The following SUPT3H variants were observed in gnomAD, a reference collection of about 807,000 sequenced individuals.
SUPT3H encodes transcription initiation protein SPT3 homolog.
Under a neutral mutation model 44.3 loss-of-function variants are expected in SUPT3H, and 44 were observed. The ratio of observed to expected loss-of-function variants is 0.99; its 90% CI spans 0.78 to 1.28. The LOEUF (loss-of-function observed/expected upper bound fraction) is 1.28. SUPT3H is among the 50% of genes most tolerant of loss of function. The pLI, the probability that SUPT3H is intolerant of heterozygous loss-of-function variation, is 0.00. For synonymous variants in SUPT3H, 124 were observed against 125.6 expected (o/e 0.99, Z 0.09); for missense variants, 380 against 387.1 (o/e 0.98, Z 0.15).
intron 6 of SUPT3H, among the ~76,000 whole-genome samples, chr6:44,995,256 C>T (rs1302185751): frequency 6.6e-6 from 1 of 151,660 alleles, no homozygotes; most frequent in Non-Finnish European, 1.5e-5. Context: ...ACAAAAATAC[C>T]CATGAAACTA....
intron 2 of SUPT3H, among the ~76,000 whole-genome samples, chr6:45,272,911 T>C (rs1776435108): frequency 6.6e-6 from 1 of 152,246 alleles, no homozygotes; most frequent in Admixed American, 6.5e-5. Context: ...TTGCTTTGCC[T>C]GGACCACTTT....
intron 7 of SUPT3H, among the ~76,000 whole-genome samples, chr6:44,957,539 T>C (rs1187712232): frequency 2.0e-5 from 3 of 152,168 alleles, no homozygotes; most frequent in Admixed American, 1.3e-4. Context: ...GACAGATCTT[T>C]AGGACAGAAA....
At chr6:45,287,024 T>C (rs373127883) in intron 2 of SUPT3H, among the ~76,000 whole-genome samples, 4 of 152,084 alleles carry the variant, frequency 2.6e-5, no homozygotes, top group South Asian at 4.2e-4. Context: ...TTCTCACTCA[T>C]AGGTGGGAAC....
At position 44,828,408 on chromosome 6, in the gene SUPT3H, A is replaced by ATGAC. The variant is rs1446949997; in HGVS notation, c.*1404_*1407dup. Among the ~76,000 whole-genome samples the ATGAC allele has an allele frequency of 6.6e-6, 1 of 152,188 alleles. No individual in the cohort carries two copies. The highest frequency in any genetic ancestry group is 1.5e-5 in the Non-Finnish European group (1 of 68,018). ...AAAAAGATTAACATAGAGCAGGTAA[A>ATGAC]TGACAGTTAACAAATGTAAATAATG... On this transcript the variant is annotated 3_prime_UTR_variant, in exon 11 of 11. Coordinates refer to ENST00000371459, the MANE Select transcript of SUPT3H (RefSeq NM_003599.4).
At chr6:45,105,295 AC>A (rs1799116771) in intron 3 of SUPT3H, among the ~76,000 whole-genome samples, 1 of 152,180 alleles carries the variant, frequency 6.6e-6, no homozygotes, top group Admixed American at 6.5e-5. Context: ...ATAAAATCTT[AC>A]AAGGATTAGA....
chr6:45,182,205 G>C (rs1456850511), intron 2 of SUPT3H, among the ~76,000 whole-genome samples: 1 of 152,114 alleles, frequency 6.6e-6, no homozygotes, highest in African/African-American at 2.4e-5. Flanking sequence ...TGCTGTTACT[G>C]TCCCATAGAG....
At chr6:45,275,797 A>C (rs768697843) in intron 2 of SUPT3H, among the ~76,000 whole-genome samples, 1 of 152,168 alleles carries the variant, frequency 6.6e-6, no homozygotes, top group Admixed American at 6.5e-5. Context: ...GACATAAATT[A>C]TTTAAAAATA....
intron 4 of SUPT3H, among the ~76,000 whole-genome samples, chr6:45,019,651 G>T (rs1052903073): frequency 6.6e-6 from 1 of 151,838 alleles, no homozygotes; most frequent in Non-Finnish European, 1.5e-5. Context: ...TTCTTTAGAT[G>T]CACATTATTT....
At chr6:44,909,595 A>T (rs995074589) in intron 10 of SUPT3H, among the ~76,000 whole-genome samples, 1 of 152,190 alleles carries the variant, frequency 6.6e-6, no homozygotes, top group South Asian at 2.1e-4. Flanking sequence ...GAATTTTCCT[A>T]TGTACGAAGA....
intron 2 of SUPT3H, among the ~76,000 whole-genome samples, chr6:45,343,453 A>C (rs1004403742): frequency 1.3e-5 from 2 of 152,134 alleles, no homozygotes; most frequent in Non-Finnish European, 2.9e-5. Flanking sequence ...GAGATCATCT[A>C]ATCTATAATA....
intron 11 of SUPT3H, among the ~76,000 whole-genome samples, chr6:44,815,076 TTG>T (rs144410922): frequency 1.3e-5 from 2 of 151,840 alleles, no homozygotes; most frequent in Non-Finnish European, 2.9e-5. Flanking sequence ...TATGAACATA[TTG>T]TGTGTGTGTG....
intron 2 of SUPT3H, among the ~76,000 whole-genome samples, chr6:45,336,588 T>C (rs114764157): frequency 0.02 from 3,076 of 151,604 alleles, 43 homozygotes; most frequent in Non-Finnish European, 0.032. Context: ...TATTTAATTA[T>C]TAAATGGTTA....
At position 44,935,555 on chromosome 6, in the gene SUPT3H, T is replaced by C. The variant is rs528870785; in HGVS notation, c.802-2792A>G. Reference sequence around the variant, plus strand: ...AGAAATCTCTCTGGGATATAAACTCTGTATTTCTTTAAGAAAAGTACTAGC... The same window carrying C: ...AGAAATCTCTCTGGGATATAAACTCCGTATTTCTTTAAGAAAAGTACTAGC... On this transcript the variant is annotated intron_variant, in intron 9 of 10. Transcript: ENST00000371459. Among the ~76,000 whole-genome samples the C allele has an allele frequency of 4.6e-5, 7 of 152,352 alleles. 1 individual carries two copies. The highest frequency in any genetic ancestry group is 3.3e-4 in the Admixed American group (5 of 15,310).
chr6:44,907,721 G>A (rs775123823), intron 10 of SUPT3H, among the ~76,000 whole-genome samples: 20 of 152,024 alleles, frequency 1.3e-4, no homozygotes, highest in African/African-American at 1.9e-4. Context: ...ATTTGTATGC[G>A]GTTGTTACAG....
intron 2 of SUPT3H, among the ~76,000 whole-genome samples, chr6:45,282,687 C>T (rs893966577): frequency 6.6e-6 from 1 of 152,100 alleles, no homozygotes; most frequent in Non-Finnish European, 1.5e-5. Context: ...AAGAACTTCC[C>T]CAATCTAGCA....
At chr6:44,832,492 C>T (rs1768996048) in intron 10 of SUPT3H, among the ~76,000 whole-genome samples, 1 of 152,064 alleles carries the variant, frequency 6.6e-6, no homozygotes, top group Admixed American at 6.6e-5. Flanking sequence ...ATTAGACCTC[C>T]CCAACAAACT....
chr6:45,220,924 G>C (rs769778949), intron 2 of SUPT3H, among the ~76,000 whole-genome samples: 1 of 152,166 alleles, frequency 6.6e-6, no homozygotes, highest in Non-Finnish European at 1.5e-5. Flanking sequence ...ACATGCACAC[G>C]TATGTTTACT....
intron 2 of SUPT3H, among the ~76,000 whole-genome samples, chr6:45,202,977 A>G (rs79265541): frequency 6.6e-6 from 1 of 152,282 alleles, no homozygotes; most frequent in East Asian, 1.9e-4. Context: ...CAAGACAGTA[A>G]GATATAGATT....
chr6:44,891,416 C>T (rs1294953322), intron 10 of SUPT3H, among the ~76,000 whole-genome samples: 1 of 151,942 alleles, frequency 6.6e-6, no homozygotes, highest in Non-Finnish European at 1.5e-5. Context: ...GATTATTCAA[C>T]CATAAAAGGG....
Sources: gnomAD v4.1 joint callset for allele counts (sites outside exome capture counted in the v4.1 genomes callset) on GRCh38, gnomAD v4.1.1 for gene constraint, MANE v1.5 for transcripts, NCBI Gene and HGNC (gene_info 2026-07-23, HGNC 2026-07-21) for gene names.